The following ANGEL1 variants were observed in gnomAD, a reference collection of about 807,000 sequenced individuals.
The protein encoded by ANGEL1 is angel homolog 1.
In ANGEL1, 62 loss-of-function variants were observed where a neutral mutation model predicts 76.4. That is an observed-to-expected ratio of 0.81 (90% confidence interval 0.66 to 1.00). ANGEL1 has a LOEUF of 1.00. Ranked by LOEUF, ANGEL1 falls within the 50% of genes least tolerant of loss-of-function variation. The pLI, the probability that ANGEL1 is intolerant of heterozygous loss-of-function variation, is 0.00. For synonymous variants in ANGEL1, 340 were observed against 331.7 expected (o/e 1.03, Z -0.27); for missense variants, 737 against 836.7 (o/e 0.88, Z 1.47).
chr14:76,791,243 C>A, intron 8 of ANGEL1, 54 bp downstream of exon 8: 1 of 1,594,920 alleles, frequency 6.3e-7, no homozygotes, highest in South Asian at 1.1e-5. Flanking sequence ...GAATCTCTCT[C>A]TTACACCTAG....
intron 7 of ANGEL1, among the ~76,000 whole-genome samples, chr14:76,794,134 GAAGT>G (rs1350078237): frequency 6.6e-6 from 1 of 152,182 alleles, no homozygotes; most frequent in Non-Finnish European, 1.5e-5. Context: ...GACAAGGGGA[GAAGT>G]AAATGGAAAG....
At chr14:76,806,959 C>T (rs780294285) in intron 4 of ANGEL1, 110 bp from the exon 5 acceptor site, 2 of 1,229,226 alleles carry the variant, frequency 1.6e-6, no homozygotes, top group East Asian at 2.3e-5. Flanking sequence ...GTTCCTGCTA[C>T]TCAGTAAAGG....
rs879041626 is a variant in ANGEL1, at chr14:76,807,848, C to A, written c.876+74G>T. On this transcript the variant is annotated intron_variant, in intron 3 of 9. Coordinates refer to ENST00000251089, the MANE Select transcript of ANGEL1 (RefSeq NM_015305.4). ...CATTTGAACAACTATGGGTTGAACT[C>A]ATCTTCTAAGAGCACTGGGCAACAG... The A allele has an allele frequency of 5.3e-6, 8 of 1,507,458 alleles. No homozygotes were observed. In the South Asian group the frequency reaches 8.3e-5, roughly 16 times the overall value. 93.4% of individuals were successfully genotyped at this position (1,507,458 alleles called of 1,614,324 possible).
chr14:76,806,762 C>T lies in ANGEL1; in HGVS notation c.1034G>A (p.Cys345Tyr). 1 of 1,614,206 alleles carries T rather than the reference C, an allele frequency of 6.2e-7. No homozygotes were observed. Among genetic ancestry groups the T allele is most frequent in the Non-Finnish European group, 8.5e-7 (1 of 1,180,042 alleles). ...CCGGAAGTACTCCACAGGGCTAGCACAGAGCAGGCGGAATCTGGTAGGCTT... is the reference window on the plus strand; with the variant it reads ...CCGGAAGTACTCCACAGGGCTAGCATAGAGCAGGCGGAATCTGGTAGGCTT... ...CYKPTRFRLLCASPVEYFRPG... is the reference protein window; with the variant it reads ...CYKPTRFRLLYASPVEYFRPG... The change falls in exon 5 of 10, where the codon TGT becomes TAT. Residue 345 changes from cysteine to tyrosine, a missense_variant. This residue lies in a region of ANGEL1 where 441 missense variants were observed against 449.5 expected (regional missense o/e 0.98). Coordinates refer to ENST00000251089, the MANE Select transcript of ANGEL1 (RefSeq NM_015305.4).
At chr14:76,812,731 G>A (rs768602504) in intron 1 of ANGEL1, 33 bp downstream of exon 1, 2 of 1,497,100 alleles carry the variant, frequency 1.3e-6, no homozygotes, top group South Asian at 1.3e-5. Context: ...AGCCCTGGCC[G>A]GGCTCCTGTC....
At position 76,792,409 on chromosome 14, in the gene ANGEL1, C is replaced by T. The variant is rs1218595249; in HGVS notation, c.1619-1043G>A. 4.6e-5 allele frequency among the ~76,000 whole-genome samples: 7 copies of T among 152,158 alleles called. No homozygotes were observed. The East Asian group carries it at 1.3e-3, about 29-fold the overall frequency. ...TCTCAACTCATTCTATGAGGCATTA[C>T]TCTGACATCAAAACTAGATAAAATG... On this transcript the variant is annotated intron_variant, in intron 7 of 9. Coordinates refer to ENST00000251089, the MANE Select transcript of ANGEL1 (RefSeq NM_015305.4).
intron 7 of ANGEL1, among the ~76,000 whole-genome samples, chr14:76,802,660 C>T (rs1894800219): frequency 6.6e-6 from 1 of 151,798 alleles, no homozygotes; most frequent in South Asian, 2.1e-4. Flanking sequence ...CTATCATGAC[C>T]TGTGCTTTCT....
intron 7 of ANGEL1, among the ~76,000 whole-genome samples, chr14:76,800,263 C>T (rs1018222220): frequency 6.6e-6 from 1 of 152,150 alleles, no homozygotes; most frequent in Admixed American, 6.5e-5. Flanking sequence ...TTTTTATAAT[C>T]CTAAATCACT....
intron 7 of ANGEL1, among the ~76,000 whole-genome samples, chr14:76,797,620 C>A (rs1344504805): frequency 2.0e-5 from 3 of 152,142 alleles, no homozygotes; most frequent in African/African-American, 7.2e-5. Flanking sequence ...GAAAACTGAC[C>A]AGATAGCCTT....
At chr14:76,812,151 C>A (rs949210170) in intron 1 of ANGEL1, among the ~76,000 whole-genome samples, 13 of 152,252 alleles carry the variant, frequency 8.5e-5, no homozygotes, top group Middle Eastern at 3.2e-3. Flanking sequence ...TGCCCCCACC[C>A]CAGCACATCT....
chr14:76,804,289 T>C, intron 5 of ANGEL1: 2 of 1,237,572 alleles, frequency 1.6e-6, no homozygotes, highest in Non-Finnish European at 2.0e-6. Context: ...CATCTTTGGA[T>C]CTTCTGGATC....
At chr14:76,802,430 T>A (rs766036532) in intron 7 of ANGEL1, among the ~76,000 whole-genome samples, 1 of 152,210 alleles carries the variant, frequency 6.6e-6, no homozygotes, top group Admixed American at 6.5e-5. Flanking sequence ...AGGGAAGGAC[T>A]GGGTATTTCA....
intron 7 of ANGEL1, among the ~76,000 whole-genome samples, chr14:76,797,001 A>G (rs1344933905): frequency 6.6e-6 from 1 of 152,210 alleles, no homozygotes; most frequent in Admixed American, 6.5e-5. Flanking sequence ...CATTCTTACC[A>G]TGCAGCACTG....
At chr14:76,809,738 T>C (rs1895030973) in intron 1 of ANGEL1, 95 bp from the exon 2 acceptor site, 1 of 1,029,594 alleles carries the variant, frequency 9.7e-7, no homozygotes, top group Non-Finnish European at 1.4e-6. Context: ...GCAAGACCCA[T>C]ATCCACCTTG....
At chr14:76,807,382 G>C in intron 4 of ANGEL1, 51 bp downstream of exon 4, 1 of 1,553,690 alleles carries the variant, frequency 6.4e-7, no homozygotes, top group Non-Finnish European at 8.8e-7. Context: ...GGAGAGAGTA[G>C]ACAAGTCTGT....
Position 76,809,518 on chromosome 14 carries a change from A to G in ANGEL1, c.190T>C (p.Trp64Arg). The G allele has an allele frequency of 1.2e-6, 2 of 1,614,214 alleles. No individual in the cohort carries two copies. Among genetic ancestry groups the G allele is most frequent in the Non-Finnish European group, 1.7e-6 (2 of 1,180,030 alleles). ...ACCTGGCTCAACCCTTCTTCTCGCC[A>G]CTGCTGCAGCAGGCCCTCACATTCC... The part of the protein sequence containing the change: ...QEECEGLLQQ[W>R]REEGLSQVLS... Residue 64 changes from tryptophan (W) to arginine (R), a missense_variant, in exon 2 of 10, where the codon TGG (tryptophan) becomes CGG (arginine). Trp to Arg is a moderately radical substitution (Grantham distance 101, BLOSUM62 -3). This residue lies in a region of ANGEL1 where 441 missense variants were observed against 449.5 expected (regional missense o/e 0.98). Coordinates refer to ENST00000251089, the MANE Select transcript of ANGEL1 (RefSeq NM_015305.4).
In ANGEL1 at chr14:76,809,176, G is replaced by C. The variant is rs780683666; in HGVS notation, c.532C>G (p.Pro178Ala). Residue 178 changes from proline (P) to alanine (A), a missense_variant, in exon 2 of 10, where the codon CCA (proline) becomes GCA (alanine). This residue lies in a region of ANGEL1 where 441 missense variants were observed against 449.5 expected (regional missense o/e 0.98). Coordinates refer to ENST00000251089, the MANE Select transcript of ANGEL1 (RefSeq NM_015305.4). The stretch of plus-strand genomic sequence containing the variant: ...GCTATGCTCCAGGCCAACACCGCTG[G>C]GTCCTCTTCCCACTGCTCTGTGGCC... ...ALATEQWEED[P>A]AVLAWSIAPE... The C allele has an allele frequency of 3.1e-6, 5 of 1,613,982 alleles. No individual in the cohort carries two copies. Among genetic ancestry groups the C allele is most frequent in the Non-Finnish European group, 4.2e-6 (5 of 1,179,934 alleles).
At position 76,789,124 on chromosome 14, in the gene ANGEL1, T is replaced by C. The variant is rs1051682515; in HGVS notation, c.*104A>G. ...GAACGAGGAGGGGGAAGGGAGGGGATGTAAGTTTCTTGGATCTAAGTTTCT... is the reference window on the plus strand; with the variant it reads ...GAACGAGGAGGGGGAAGGGAGGGGACGTAAGTTTCTTGGATCTAAGTTTCT... On this transcript the variant is annotated 3_prime_UTR_variant, in exon 10 of 10. Transcript: ENST00000251089. 16 of 1,396,290 alleles carry C rather than the reference T, an allele frequency of 1.1e-5. No individual in the cohort carries two copies. The highest frequency in any genetic ancestry group is 1.6e-5 in the Non-Finnish European group (16 of 1,018,978). The allele number at this position is 1,396,290 out of a possible 1,614,324, so 86.5% of individuals were successfully genotyped here.
At chr14:76,796,737 C>T (rs750309671) in intron 7 of ANGEL1, among the ~76,000 whole-genome samples, 2 of 152,170 alleles carry the variant, frequency 1.3e-5, no homozygotes, top group Non-Finnish European at 2.9e-5. Flanking sequence ...TATTCTTAGT[C>T]ATCTTTTATC....
Sources: allele counts gnomAD v4.1 joint callset (sites outside exome capture counted in the v4.1 genomes callset), GRCh38; gene constraint gnomAD v4.1.1; regional missense constraint gnomAD v4.1.1; transcripts MANE v1.5; gene names NCBI Gene and HGNC (gene_info 2026-07-23, HGNC 2026-07-21).